The following PRKACB variants were observed in gnomAD, a reference collection of about 807,000 sequenced individuals.
PRKACB encodes cAMP-dependent protein kinase catalytic subunit beta.
Under a neutral mutation model 51.4 loss-of-function variants are expected in PRKACB, and 16 were observed. That is an observed-to-expected ratio of 0.31 (90% CI 0.21 to 0.47). The LOEUF is 0.47. Ranked by LOEUF, PRKACB falls within the 20% of genes least tolerant of loss-of-function variation. PRKACB has a pLI of 1.00. For missense variants in PRKACB, 309 were observed against 464.5 expected (o/e 0.67, Z 3.08); for synonymous variants, 147 against 154.4 (o/e 0.95, Z 0.35).
intron 1 of PRKACB, among the ~76,000 whole-genome samples, chr1:84,172,981 C>T (rs1276123210): frequency 6.6e-6 from 1 of 151,610 alleles, no homozygotes; most frequent in Non-Finnish European, 1.5e-5. Flanking sequence ...TTTTTATACT[C>T]GCTATCATTT....
chr1:84,184,237 G>T, intron 4 of PRKACB, 102 bp downstream of exon 4: 1 of 1,007,352 alleles, frequency 9.9e-7, no homozygotes. Flanking sequence ...TGAAGAATAT[G>T]AATAAACAAA....
chr1:84,120,814 T>G (rs1228994219), intron 1 of PRKACB, among the ~76,000 whole-genome samples: 1 of 152,050 alleles, frequency 6.6e-6, no homozygotes, highest in African/African-American at 2.4e-5. Flanking sequence ...AGTCATAGAT[T>G]CAGTGAAATA....
chr1:84,219,992 A>G (rs1464366451), intron 9 of PRKACB, among the ~76,000 whole-genome samples: 2 of 151,906 alleles, frequency 1.3e-5, no homozygotes, highest in South Asian at 2.1e-4. Context: ...GAAGACTATC[A>G]TTGGTATTTT....
intron 6 of PRKACB, among the ~76,000 whole-genome samples, chr1:84,197,259 T>C (rs951893170): frequency 6.6e-6 from 1 of 152,090 alleles, no homozygotes; most frequent in African/African-American, 2.4e-5. Flanking sequence ...CGTAGCAACG[T>C]TTTCTTTCCA....
At chr1:84,174,549 C>G (rs1400570067) in intron 1 of PRKACB, among the ~76,000 whole-genome samples, 1 of 151,688 alleles carries the variant, frequency 6.6e-6, no homozygotes, top group African/African-American at 2.4e-5. Flanking sequence ...AAATGGTGCT[C>G]AATAAATACT....
At chr1:84,191,479 C>A (rs77461738) in intron 5 of PRKACB, among the ~76,000 whole-genome samples, 1 of 151,950 alleles carries the variant, frequency 6.6e-6, no homozygotes, top group South Asian at 2.1e-4. Context: ...ATATATACAC[C>A]ATGGAATAGT....
At chr1:84,207,572 C>G (rs1266435122) in intron 8 of PRKACB, among the ~76,000 whole-genome samples, 2 of 152,080 alleles carry the variant, frequency 1.3e-5, no homozygotes, top group African/African-American at 2.4e-5. Context: ...CTTACTGTAC[C>G]TAATTTATAA....
chr1:84,188,140 A>G (rs887292076), intron 5 of PRKACB, among the ~76,000 whole-genome samples: 3 of 152,102 alleles, frequency 2.0e-5, no homozygotes, highest in Non-Finnish European at 2.9e-5. Context: ...ACTTTACCAA[A>G]TTGCTATAAA....
At chr1:84,185,288 T>A (rs1054434148) in intron 5 of PRKACB, 106 bp downstream of exon 5, 1 of 799,366 alleles carries the variant, frequency 1.3e-6, no homozygotes, top group South Asian at 2.0e-5. Context: ...GATTAATATT[T>A]TGGCCATATG....
intron 9 of PRKACB, among the ~76,000 whole-genome samples, chr1:84,232,272 T>C (rs1224701765): frequency 2.0e-5 from 3 of 152,026 alleles, no homozygotes; most frequent in Non-Finnish European, 4.4e-5. Flanking sequence ...TTGATTGCAC[T>C]GTGGTCTGAG....
At chr1:84,103,053 G>T (rs543924152) in intron 1 of PRKACB, among the ~76,000 whole-genome samples, 1 of 152,120 alleles carries the variant, frequency 6.6e-6, no homozygotes, top group African/African-American at 2.4e-5. Context: ...GATCTGAGAG[G>T]CCTCATCTAT....
chr1:84,211,609 G>A (rs1672145039), intron 8 of PRKACB, among the ~76,000 whole-genome samples: 1 of 152,044 alleles, frequency 6.6e-6, no homozygotes, highest in Non-Finnish European at 1.5e-5. Context: ...CTATTTTTAG[G>A]TTATTGAATC....
intron 9 of PRKACB, among the ~76,000 whole-genome samples, chr1:84,219,700 A>G (rs1319403972): frequency 6.6e-6 from 1 of 151,232 alleles, no homozygotes; most frequent in Non-Finnish European, 1.5e-5. Context: ...CATGTATTGA[A>G]GAGAGTGTCC....
At chr1:84,162,127 C>T (rs192591541) in intron 1 of PRKACB, among the ~76,000 whole-genome samples, 39 of 152,036 alleles carry the variant, frequency 2.6e-4, no homozygotes, top group African/African-American at 8.7e-4. Context: ...CATTTCTCTG[C>T]CTTCTGGCCC....
At chr1:84,123,831 A>G (rs1459698768) in intron 1 of PRKACB, among the ~76,000 whole-genome samples, 3 of 152,214 alleles carry the variant, frequency 2.0e-5, no homozygotes, top group African/African-American at 7.2e-5. Context: ...ATCTTACAAC[A>G]TTTAGAATAT....
intron 1 of PRKACB, chr1:84,175,719 TA>T: frequency 7.4e-7 from 1 of 1,344,184 alleles, no homozygotes; most frequent in Non-Finnish European, 1.0e-6. Context: ...TGAAAATGCA[TA>T]AAAATTGTCT....
At chr1:84,125,378 G>C (rs764400747) in intron 1 of PRKACB, among the ~76,000 whole-genome samples, 1 of 152,160 alleles carries the variant, frequency 6.6e-6, no homozygotes, top group Non-Finnish European at 1.5e-5. Context: ...AGCTGGACAA[G>C]GTTCTCTGCT....
At chr1:84,164,430 T>C in intron 1 of PRKACB, 5 of 1,570,220 alleles carry the variant, frequency 3.2e-6, no homozygotes, top group Non-Finnish European at 4.3e-6. Context: ...TGTGTGAGTA[T>C]TTGAAGAAAA....
intron 1 of PRKACB, among the ~76,000 whole-genome samples, chr1:84,172,491 C>T (rs967196458): frequency 2.0e-5 from 3 of 151,532 alleles, no homozygotes; most frequent in Non-Finnish European, 4.4e-5. Flanking sequence ...TCCATAGCAT[C>T]CCCAGATGGA....
Sources: allele counts gnomAD v4.1 joint callset (sites outside exome capture counted in the v4.1 genomes callset), GRCh38; gene constraint gnomAD v4.1.1; transcripts MANE v1.5; gene names NCBI Gene and HGNC (gene_info 2026-07-23, HGNC 2026-07-21).